The following ZHX2 variants were observed in gnomAD, a reference collection of about 807,000 sequenced individuals.
ZHX2 encodes the protein zinc fingers and homeoboxes protein 2.
In ZHX2, 6 loss-of-function variants were observed where a neutral mutation model predicts 21.9. The ratio of observed to expected loss-of-function variants is 0.27; its 90% CI spans 0.15 to 0.54. The LOEUF is 0.54. Among genes scored for constraint, ZHX2 ranks in the 20% least tolerant of loss-of-function variants. ZHX2 has a pLI of 0.95. For missense variants in ZHX2, 908 were observed against 1,090.7 expected (o/e 0.83, Z 2.36); for synonymous variants, 434 against 437.1 (o/e 0.99, Z 0.09).
intron 1 of ZHX2, among the ~76,000 whole-genome samples, chr8:122,848,382 A>C (rs1465303027): frequency 2.0e-5 from 3 of 152,070 alleles, no homozygotes; most frequent in African/African-American, 7.2e-5. Context: ...GCTCTCCCCC[A>C]TGGCCTGCAA....
chr8:122,892,682 T>G (rs1820010434), intron 2 of ZHX2, among the ~76,000 whole-genome samples: 1 of 152,186 alleles, frequency 6.6e-6, no homozygotes, highest in South Asian at 2.1e-4. Context: ...CTTTTTTTAT[T>G]TTTTATTTAT....
At chr8:122,807,726 C>A (rs1054909185) in intron 1 of ZHX2, 2 of 152,212 alleles carry the variant, frequency 1.3e-5, no homozygotes, top group Non-Finnish European at 2.9e-5. Context: ...GCCAGGCCTT[C>A]TCCTGAGATA....
At chr8:122,935,604 C>T (rs1015702572) in intron 2 of ZHX2, among the ~76,000 whole-genome samples, 4 of 149,050 alleles carry the variant, frequency 2.7e-5, no homozygotes, top group East Asian at 2.0e-4. Flanking sequence ...GGTGCAATCT[C>T]GGCTCACTGC....
At position 122,886,689 on chromosome 8, in the gene ZHX2, G is replaced by T. The variant is rs146887904; in HGVS notation, c.-220+23150G>T. On this transcript the variant is annotated intron_variant, in intron 2 of 3. Coordinates refer to ENST00000314393, the MANE Select transcript of ZHX2 (RefSeq NM_014943.5). ...TAAAGTTAAGCAATGTGATATAACA[G>T]AATTAACAAAATTATTGTAATCATA... 9.5e-3 allele frequency among the ~76,000 whole-genome samples: 1,444 copies of T among 152,222 alleles called. 27 individuals are homozygous for T. Among genetic ancestry groups the T allele is most frequent in the Non-Finnish European group, 0.011 (733 of 68,006 alleles).
intron 2 of ZHX2, among the ~76,000 whole-genome samples, chr8:122,886,588 C>A (rs968190356): frequency 6.6e-6 from 1 of 152,168 alleles, no homozygotes; most frequent in Non-Finnish European, 1.5e-5. Context: ...TTATACGGAA[C>A]CCCTCTGTAC....
rs1201148379 is a variant in ZHX2 at position 122,930,462 on chromosome 8, G to C, written c.-219-20830G>C. Among the ~76,000 whole-genome samples, 3 of 152,220 alleles carry C rather than the reference G, an allele frequency of 2.0e-5. No homozygotes were observed. In the South Asian group the frequency reaches 6.2e-4, roughly 32 times the overall value. ...TTTTAGAACCCTTCCACATGGGACA[G>C]ACTTGGTAAGAATTTTGCCTCCGTG... is the stretch of plus-strand genomic sequence containing the variant. On this transcript the variant is annotated intron_variant, in intron 2 of 3. Coordinates refer to ENST00000314393, the MANE Select transcript of ZHX2 (RefSeq NM_014943.5).
intron 2 of ZHX2, among the ~76,000 whole-genome samples, chr8:122,924,059 G>C (rs934015058): frequency 1.3e-5 from 2 of 152,182 alleles, no homozygotes; most frequent in Non-Finnish European, 2.9e-5. Context: ...TGATTACCTG[G>C]AAAGAAAGAT....
intron 2 of ZHX2, among the ~76,000 whole-genome samples, chr8:122,882,736 C>A (rs1348915544): frequency 1.3e-5 from 2 of 152,168 alleles, no homozygotes; most frequent in African/African-American, 4.8e-5. Context: ...AATCCCAACA[C>A]TTTGGGAGGC....
chr8:122,888,363 G>T (rs1268056734), intron 2 of ZHX2, among the ~76,000 whole-genome samples: 1 of 152,050 alleles, frequency 6.6e-6, no homozygotes. Context: ...ATCAAGTCAG[G>T]GTAATTAGCA....
chr8:122,840,756 C>T (rs958867272), intron 1 of ZHX2, among the ~76,000 whole-genome samples: 2 of 152,184 alleles, frequency 1.3e-5, no homozygotes, highest in African/African-American at 4.8e-5. Context: ...GACCTGTGGC[C>T]ATTACTTCCT....
chr8:122,883,191 T>C (rs1156686778), intron 2 of ZHX2, among the ~76,000 whole-genome samples: 1 of 152,162 alleles, frequency 6.6e-6, no homozygotes, highest in Non-Finnish European at 1.5e-5. Context: ...TCTCTTGTTC[T>C]TCAGATACAC....
In ZHX2 at chr8:122,807,063, T is replaced by G. The variant is rs150261372; in HGVS notation, c.-283+25117T>G. Among the ~76,000 whole-genome samples the G allele has an allele frequency of 1.6e-3, 244 of 152,192 alleles. 1 individual carries two copies. Among genetic ancestry groups the G allele is most frequent in the African/African-American group, 5.4e-3 (224 of 41,522 alleles). ...CCACAGTGTGGAGAAGGGTGGACAG[T>G]GGAAGGGGCCCTTGGTGAGTGGGAG... is the stretch of plus-strand genomic sequence containing the variant. On this transcript the variant is annotated intron_variant, in intron 1 of 3. Transcript: ENST00000314393.
chr8:122,945,695 G>C (rs990357854), intron 2 of ZHX2, among the ~76,000 whole-genome samples: 1 of 152,038 alleles, frequency 6.6e-6, no homozygotes, highest in Non-Finnish European at 1.5e-5. Flanking sequence ...GACAGAGAGG[G>C]GCAACACAGA....
intron 1 of ZHX2, among the ~76,000 whole-genome samples, chr8:122,860,831 G>A (rs1255629661): frequency 6.6e-6 from 1 of 151,948 alleles, no homozygotes; most frequent in African/African-American, 2.4e-5. Context: ...GTCAGAGATC[G>A]AGGCCATCCT....
At chr8:122,887,050 CGTGTGTGTGTGTGTGTGTGT>C (rs10549696) in intron 2 of ZHX2, among the ~76,000 whole-genome samples, 3 of 136,448 alleles carry the variant, frequency 2.2e-5, no homozygotes, top group South Asian at 2.6e-4. Flanking sequence ...GCTCTGCCAC[CGTGTGTGTGTGTGTGTGTGT>C]GTGTGTGTGT....
intron 1 of ZHX2, among the ~76,000 whole-genome samples, chr8:122,798,554 A>T (rs1817656869): frequency 6.6e-6 from 1 of 152,116 alleles, no homozygotes; most frequent in Non-Finnish European, 1.5e-5. Context: ...GCACTTTGGG[A>T]GGGTGAGGCC....
At chr8:122,842,709 A>G (rs1195520070) in intron 1 of ZHX2, among the ~76,000 whole-genome samples, 1 of 151,576 alleles carries the variant, frequency 6.6e-6, no homozygotes, top group African/African-American at 2.4e-5. Context: ...CTCCATCTCA[A>G]AAAAAAAACA....
chr8:122,963,027 T>G (rs1197904764), intron 3 of ZHX2, among the ~76,000 whole-genome samples: 1 of 152,258 alleles, frequency 6.6e-6, no homozygotes, highest in Admixed American at 6.5e-5. Flanking sequence ...ATTAGTCCTT[T>G]GTCAGATGCG....
chr8:122,917,869 GA>G (rs1248759723), intron 2 of ZHX2, among the ~76,000 whole-genome samples: 5 of 152,288 alleles, frequency 3.3e-5, no homozygotes, highest in Middle Eastern at 3.4e-3. Context: ...ACCCACAGCA[GA>G]CATCACCAGT....
Sources: gnomAD v4.1 joint callset for allele counts (sites outside exome capture counted in the v4.1 genomes callset) on GRCh38, gnomAD v4.1.1 for gene constraint, MANE v1.5 for transcripts, NCBI Gene and HGNC (gene_info 2026-07-23, HGNC 2026-07-21) for gene names.